Variants in TLR6 observed in about 807,000 individuals in gnomAD.
TLR6 encodes toll-like receptor 6.
TLR6 carries 9 observed loss-of-function variants against 16.1 expected under a neutral mutation model. The ratio of observed to expected loss-of-function variants is 0.56; its 90% CI spans 0.34 to 0.98. TLR6 has a LOEUF of 0.98. Among genes scored for constraint, TLR6 ranks in the 50% least tolerant of loss-of-function variants. The probability of loss-of-function intolerance (pLI) is 0.02; values close to 1 mark genes in which losing one functional copy is unlikely to be tolerated. For missense variants in TLR6, 786 were observed against 921.0 expected, an observed-to-expected ratio of 0.85 and a Z score of 1.90; for synonymous variants, 340 against 338.6, an observed-to-expected ratio of 1.00 and a Z score of -0.04.
intron 1 of TLR6, chr4:38,843,847 A>C (rs779425393): frequency 2.6e-5 from 4 of 152,228 alleles, no homozygotes; most frequent in Non-Finnish European, 5.9e-5. Context: ...ATCTTCACTC[A>C]CAAAAATGTA....
At chr4:38,841,198 T>A (rs1311262855) in intron 1 of TLR6, among the ~76,000 whole-genome samples, 1 of 18,834 alleles carries the variant, frequency 5.3e-5, no homozygotes, top group African/African-American at 2.7e-3. Flanking sequence ...GTAAAGACTA[T>A]TTAGAGAGTT....
At chr4:38,846,737 A>AAGAAGGG (rs146881574) in intron 1 of TLR6, among the ~76,000 whole-genome samples, 32,291 of 151,790 alleles carry the variant, frequency 0.21, 4,100 homozygotes, top group Non-Finnish European at 0.28. Context: ...TGCCAATGAT[A>AAGAAGGG]AGAAGGGAGA....
Position 38,829,547 on chromosome 4 carries a change from T to C in TLR6, c.-64-10A>G. On this transcript the variant is annotated splice_polypyrimidine_tract_variant and intron_variant, in intron 1 of 1. Transcript: ENST00000436693. ...GATATGAGTCCAAATTCTAGAAATA[T>C]AATATACACTAAGATTAATAAAGAT... 1.2e-6 allele frequency: 1 copy of C among 817,002 alleles called. No individual in the cohort carries two copies. 50.6% of individuals were successfully genotyped at this position (817,002 alleles called of 1,614,324 possible). A position where few individuals can be genotyped will look rare whatever the true frequency, so the allele number is the denominator to read the frequency against.
At chr4:38,852,525 A>C (rs2109471515) in intron 1 of TLR6, among the ~76,000 whole-genome samples, 1 of 152,336 alleles carries the variant, frequency 6.6e-6, no homozygotes, top group Non-Finnish European at 1.5e-5. Flanking sequence ...AACTCAAACA[A>C]ATTTACAAGA....
intron 1 of TLR6, among the ~76,000 whole-genome samples, chr4:38,838,653 A>G (rs146948520): frequency 3.5e-4 from 54 of 152,226 alleles, no homozygotes; most frequent in African/African-American, 1.2e-3. Context: ...ATAAAAAGAA[A>G]AAGTTCTAGT....
At chr4:38,845,420 T>C (rs1341442914) in intron 1 of TLR6, among the ~76,000 whole-genome samples, 1 of 152,228 alleles carries the variant, frequency 6.6e-6, no homozygotes, top group East Asian at 1.9e-4. Flanking sequence ...AATCAACTGA[T>C]CTTAAAATAG....
the TLR6 span, among the ~76,000 whole-genome samples, chr4:38,865,829 T>C: frequency 6.6e-6 from 1 of 152,244 alleles, no homozygotes; most frequent in Non-Finnish European, 1.5e-5. Flanking sequence ...GATAACTTTC[T>C]GGTTTTTCTA....
intron 1 of TLR6, among the ~76,000 whole-genome samples, chr4:38,852,211 C>T (rs1712798459): frequency 6.6e-6 from 1 of 152,138 alleles, no homozygotes; most frequent in Non-Finnish European, 1.5e-5. Context: ...CTTCCTTACA[C>T]CTTATACAAA....
intron 1 of TLR6, among the ~76,000 whole-genome samples, chr4:38,845,635 T>A (rs1429684841): frequency 6.6e-6 from 1 of 152,168 alleles, no homozygotes; most frequent in African/African-American, 2.4e-5. Flanking sequence ...GTACCTGGAT[T>A]CCCTCCTAGA....
upstream of TLR6, among the ~76,000 whole-genome samples, chr4:38,857,837 T>C (rs1000295310): frequency 1.3e-5 from 2 of 152,180 alleles, no homozygotes; most frequent in African/African-American, 4.8e-5. Flanking sequence ...AAGGAGTGGA[T>C]GGATCTCTGC....
upstream of TLR6, among the ~76,000 whole-genome samples, chr4:38,858,908 G>GAAAGAAAGA (rs1713132793): frequency 1.4e-5 from 2 of 146,928 alleles, no homozygotes; most frequent in South Asian, 2.2e-4. Context: ...AGAAAGAAAA[G>GAAAGAAAGA]AAAGAAAGAA....
chr4:38,827,241 G>A (rs760299879), exon 2 of TLR6: 2 of 1,614,154 alleles, frequency 1.2e-6, no homozygotes, highest in South Asian at 1.1e-5. Flanking sequence ...TACTTGTTGG[G>A]AATGCTGTTC....
exon 2 of TLR6, chr4:38,825,375 T>C (rs1156488022): frequency 6.6e-6 from 1 of 152,222 alleles, no homozygotes; most frequent in Non-Finnish European, 1.5e-5. Context: ...TATAGTCAGT[T>C]TCTTTACTCT....
intron 1 of TLR6, among the ~76,000 whole-genome samples, chr4:38,848,315 A>G (rs933356142): frequency 2.6e-5 from 4 of 152,242 alleles, no homozygotes; most frequent in African/African-American, 9.6e-5. Flanking sequence ...AAGGTGGATA[A>G]AACCACAAAG....
At chr4:38,827,144 A>G in exon 2 of TLR6, 1 of 1,613,836 alleles carries the variant, frequency 6.2e-7, no homozygotes, top group Non-Finnish European at 8.5e-7. Flanking sequence ...AGCGGCTCTA[A>G]TGTTAGCCCA....
At chr4:38,858,836 A>AGAGG (rs1713117134), upstream of TLR6, among the ~76,000 whole-genome samples, 1 of 36,384 alleles carries the variant, frequency 2.7e-5, no homozygotes, top group Admixed American at 2.4e-4. Flanking sequence ...AGAGAGGAAG[A>AGAGG]AAGAAAGAAA....
In TLR6 at chr4:38,841,973, T is replaced by A. The variant is rs1442270978; in HGVS notation, c.-64-12436A>T. 4.6e-5 allele frequency among the ~76,000 whole-genome samples: 7 copies of A among 152,248 alleles called. No individual in the cohort carries two copies. The East Asian group carries it at 1.3e-3, about 29-fold the overall frequency. ...ATCGCCTTTCAAAAATGTAAATGAA[T>A]GTCTTTTAAAGAATGTTTAAAAATT... On this transcript the variant is annotated intron_variant, in intron 1 of 1. Coordinates refer to ENST00000436693, the Ensembl canonical transcript of TLR6.
chr4:38,831,626 G>GTATCCAAAC (rs1220145363), intron 1 of TLR6, among the ~76,000 whole-genome samples: 1 of 152,172 alleles, frequency 6.6e-6, no homozygotes, highest in Non-Finnish European at 1.5e-5. Context: ...ATAGGGACTT[G>GTATCCAAAC]TATCCAAACT....
the TLR6 span, among the ~76,000 whole-genome samples, chr4:38,866,159 A>T: frequency 3.2e-3 from 486 of 151,632 alleles, 4 homozygotes; most frequent in African/African-American, 0.011. Flanking sequence ...TCAGTAGCTT[A>T]AAAAATTATT....
Sources: gnomAD v4.1 joint callset for allele counts (sites outside exome capture counted in the v4.1 genomes callset) on GRCh38, gnomAD v4.1.1 for gene constraint, MANE v1.5 for transcripts, NCBI Gene and HGNC (gene_info 2026-07-23, HGNC 2026-07-21) for gene names.